Variants in TOGARAM1 observed in about 807,000 individuals in gnomAD.
TOGARAM1 encodes the protein TOG array regulator of axonemal microtubules 1.
A neutral mutation model predicts 166.6 loss-of-function variants in TOGARAM1; 100 were observed. That is an observed-to-expected ratio of 0.60 (90% CI 0.51 to 0.71). The LOEUF (loss-of-function observed/expected upper bound fraction) is 0.71. TOGARAM1 is among the 30% of genes least tolerant of loss of function. The pLI, the probability that TOGARAM1 is intolerant of heterozygous loss-of-function variation, is 0.00. For synonymous variants in TOGARAM1, 758 were observed against 763.8 expected (o/e 0.99, Z 0.13); for missense variants, 2,029 against 2,102.7 (o/e 0.96, Z 0.69).
chr14:44,963,047 G>A lies in TOGARAM1; in HGVS notation c.626G>A (p.Arg209His). 3.1e-6 allele frequency: 5 copies of A among 1,614,188 alleles called. No individual in the cohort carries two copies. The highest frequency in any genetic ancestry group is 1.3e-5 in the African/African-American group (1 of 75,050). The part of the protein sequence containing the change: ...ALQILHICLK[R>H]SPGEVLRTLI... ...CAGATCCTTCATATATGTCTGAAAC[G>A]TAGTCCTGGAGAGGTGCTGAGAACG... is the stretch of plus-strand genomic sequence containing the variant. The change falls in exon 1 of 20, where the codon CGT becomes CAT. Residue 209 changes from arginine to histidine, a missense_variant. Physicochemically the swap from Arg to His is conservative, Grantham distance 29 (BLOSUM62 0). This residue lies in a region of TOGARAM1 where 1,453 missense variants were observed against 1,432.2 expected (regional missense o/e 1.01). Transcript: ENST00000361462.
At chr14:44,998,817 A>G (rs539540677) in intron 2 of TOGARAM1, among the ~76,000 whole-genome samples, 3 of 152,114 alleles carry the variant, frequency 2.0e-5, no homozygotes, top group East Asian at 1.9e-4. Context: ...AGACTTATTC[A>G]TCTTCCCAGG....
At chr14:45,025,584 A>G in intron 7 of TOGARAM1, 199 bp from the exon 8 acceptor site, 1 of 418,930 alleles carries the variant, frequency 2.4e-6, no homozygotes, top group Non-Finnish European at 4.2e-6. Flanking sequence ...AAAAAAGGAA[A>G]GGAAGGTTTA....
At chr14:44,969,309 G>A (rs1180566460) in intron 1 of TOGARAM1, among the ~76,000 whole-genome samples, 1 of 151,350 alleles carries the variant, frequency 6.6e-6, no homozygotes, top group Non-Finnish European at 1.5e-5. Context: ...ACACCATCAT[G>A]CCCGGCTAAT....
intron 1 of TOGARAM1, among the ~76,000 whole-genome samples, chr14:44,971,682 A>G (rs1328299092): frequency 1.3e-5 from 2 of 152,190 alleles, no homozygotes; most frequent in African/African-American, 2.4e-5. Context: ...ATATGCCTTC[A>G]GTGCCATAAA....
chr14:45,016,509 G>A (rs374267238), intron 7 of TOGARAM1, among the ~76,000 whole-genome samples: 7 of 152,280 alleles, frequency 4.6e-5, no homozygotes, highest in African/African-American at 7.2e-5. Flanking sequence ...GTGAAACACC[G>A]TGCTCAATTA....
intron 1 of TOGARAM1, among the ~76,000 whole-genome samples, chr14:44,967,160 G>A (rs1380439286): frequency 6.6e-6 from 1 of 152,072 alleles, no homozygotes; most frequent in Non-Finnish European, 1.5e-5. Context: ...CCTTTCAGTG[G>A]ACAGAACCAA....
At chr14:44,987,320 AC>A (rs1349217348) in intron 1 of TOGARAM1, among the ~76,000 whole-genome samples, 1 of 152,186 alleles carries the variant, frequency 6.6e-6, no homozygotes, top group Admixed American at 6.5e-5. Flanking sequence ...TGAATAGGCA[AC>A]CTACAGAATG....
chr14:45,070,823 C>A (rs1883344697), intron 18 of TOGARAM1, among the ~76,000 whole-genome samples: 1 of 152,118 alleles, frequency 6.6e-6, no homozygotes, highest in African/African-American at 2.4e-5. Flanking sequence ...TGTATATAAT[C>A]TTTGTAAATT....
intron 7 of TOGARAM1, among the ~76,000 whole-genome samples, chr14:45,014,720 A>G (rs905453640): frequency 2.6e-5 from 4 of 152,262 alleles, no homozygotes; most frequent in African/African-American, 9.6e-5. Context: ...ATGATATTAC[A>G]GTAAACTTCT....
At chr14:44,972,612 T>C (rs1032524881) in intron 1 of TOGARAM1, among the ~76,000 whole-genome samples, 5 of 152,178 alleles carry the variant, frequency 3.3e-5, no homozygotes, top group Admixed American at 6.5e-5. Flanking sequence ...GTTGCTATTA[T>C]GTGAGGCCCC....
At chr14:45,016,420 G>C (rs1306111682) in intron 7 of TOGARAM1, among the ~76,000 whole-genome samples, 1 of 152,116 alleles carries the variant, frequency 6.6e-6, no homozygotes, top group Non-Finnish European at 1.5e-5. Context: ...AGTGGCTCAC[G>C]CCTGTAATCC....
Position 44,964,151 on chromosome 14 carries a change from C to T in TOGARAM1, c.1730C>T (p.Thr577Ile), listed in dbSNP as rs747472678. 9 of 1,614,074 alleles carry T rather than the reference C, an allele frequency of 5.6e-6. No individual in the cohort carries two copies. In the Admixed American group the frequency reaches 1.3e-4, roughly 24 times the overall value. The change falls in exon 1 of 20, where the codon ACC (threonine) becomes ATC (isoleucine). Residue 577 changes from threonine to isoleucine, a missense_variant. Physicochemically the swap from Thr to Ile is moderately conservative, Grantham distance 89 (BLOSUM62 -1). This residue lies in a region of TOGARAM1 where 1,453 missense variants were observed against 1,432.2 expected (regional missense o/e 1.01). Transcript: ENST00000361462. Reference protein sequence around the residue: ...NAVQARLARKTLPRLTEQGFV... With the variant: ...NAVQARLARKILPRLTEQGFV... ...GTGCAGGCCAGATTGGCTAGGAAAA[C>T]CTTACCAAGGCTCACAGAGCAGGGA...
rs771075457 is a variant in TOGARAM1, at chr14:45,006,158, T to A, written c.2795T>A (p.Val932Glu). 40 of 1,613,822 alleles carry A rather than the reference T, an allele frequency of 2.5e-5. No homozygotes were observed. Among genetic ancestry groups the A allele is most frequent in the Admixed American group, 1.3e-4 (8 of 59,966 alleles). The change falls in exon 5 of 20, where the codon GTG (valine) becomes GAG (glutamate). Residue 932 changes from valine (V) to glutamate (E), a missense_variant. Val to Glu is a moderately radical substitution (Grantham distance 121). Transcript: ENST00000361462. ...LLPDKADLST[V>E]GHKKKEPDDI... ...CCTGATAAAGCTGATTTAAGCACAG[T>A]GGGACACAAAAAGAAAGAGCCTGAT...
intron 5 of TOGARAM1, chr14:45,007,908 G>A (rs1879557927): frequency 6.6e-6 from 1 of 152,136 alleles, no homozygotes; most frequent in African/African-American, 2.4e-5. Flanking sequence ...GATGTTATGT[G>A]TCTTGCTCAG....
chr14:45,018,825 C>T (rs1444339600), intron 7 of TOGARAM1, among the ~76,000 whole-genome samples: 3 of 152,128 alleles, frequency 2.0e-5, no homozygotes, highest in Non-Finnish European at 4.4e-5. Flanking sequence ...TGCTTTTCTT[C>T]TTAAAAGTAA....
chr14:45,062,634 T>C (rs1184849144), intron 16 of TOGARAM1, among the ~76,000 whole-genome samples: 1 of 152,198 alleles, frequency 6.6e-6, no homozygotes, highest in Non-Finnish European at 1.5e-5. Flanking sequence ...CAGTAGAAAC[T>C]GTACTTTGAG....
intron 10 of TOGARAM1, 95 bp from the exon 11 acceptor site, chr14:45,032,128 C>A: frequency 8.9e-7 from 1 of 1,128,640 alleles, no homozygotes; most frequent in Non-Finnish European, 1.2e-6. Flanking sequence ...CTACTGCACC[C>A]TAGCCTGGGC....
chr14:45,014,067 CAA>C (rs1161534629), intron 7 of TOGARAM1, among the ~76,000 whole-genome samples: 1 of 126,050 alleles, frequency 7.9e-6, no homozygotes, highest in Non-Finnish European at 1.6e-5. Flanking sequence ...TTTTTTGAGA[CAA>C]GAGTCTCGCT....
At chr14:45,017,773 TGCTCAGGAG>T in intron 7 of TOGARAM1, among the ~76,000 whole-genome samples, 1 of 152,236 alleles carries the variant, frequency 6.6e-6, no homozygotes, top group Non-Finnish European at 1.5e-5. Context: ...TAATCCCAGC[TGCTCAGGAG>T]GCTGAGGCAG....
Sources: gnomAD v4.1 joint callset for allele counts (sites outside exome capture counted in the v4.1 genomes callset) on GRCh38, gnomAD v4.1.1 for gene constraint, gnomAD v4.1.1 regional missense constraint, MANE v1.5 for transcripts, NCBI Gene and HGNC (gene_info 2026-07-23, HGNC 2026-07-21) for gene names.